The following WDR44 variants were observed in gnomAD, a reference collection of about 807,000 sequenced individuals.
WDR44 encodes the protein WD repeat-containing protein 44.
WDR44 carries 9 observed loss-of-function variants against 65.7 expected under a neutral mutation model. The observed-to-expected ratio is 0.14, with a 90% CI of 0.08 to 0.24. The LOEUF is 0.24. Among genes scored for constraint, WDR44 ranks in the 10% least tolerant of loss-of-function variants. The pLI is 1.00. For synonymous variants in WDR44, 220 were observed against 235.2 expected (o/e 0.94, Z 0.59); for missense variants, 425 against 670.9 (o/e 0.63, Z 4.05).
intron 14 of WDR44, among the ~76,000 whole-genome samples, chrX:118,438,801 T>TTTTGTTTTG (rs1369688941): frequency 2.1e-5 from 2 of 95,915 alleles, no homozygotes; most frequent in African/African-American, 7.7e-5. Context: ...AGCCATGTTT[T>TTTTGTTTTG]TTTTTTTTTT....
rs754681714 is a variant in WDR44, at chrX:118,444,426, T to C, written c.2579T>C (p.Val860Ala). ...CCAAGTTTGATGTTATCTTTGGATG[T>C]GCAATCTGAAAAATCAGAAGGGAAC... ...PNPSLMLSLDVQSEKSEGNEK... is the reference protein window; with the variant it reads ...PNPSLMLSLDAQSEKSEGNEK... Residue 860 changes from valine (V) to alanine (A), a missense_variant, in exon 19 of 20, where the codon GTG becomes GCG. Coordinates refer to ENST00000254029, the MANE Select transcript of WDR44 (RefSeq NM_019045.5). 4 of 1,209,731 alleles carry C rather than the reference T, an allele frequency of 3.3e-6. No individual in the cohort carries two copies. In the East Asian group the frequency reaches 1.2e-4, roughly 36 times the overall value.
At chrX:118,393,450 G>A (rs1347141996) in intron 4 of WDR44, among the ~76,000 whole-genome samples, 179 bp downstream of exon 4, 3 of 111,107 alleles carry the variant, frequency 2.7e-5, no homozygotes, top group African/African-American at 9.8e-5. Context: ...AAGTTAGCTG[G>A]CCATGGTGGC....
rs1388570927 is a variant in WDR44 at position 118,421,011 on chromosome X, T to C, written c.1737+10052T>C. Among the ~76,000 whole-genome samples the C allele has an allele frequency of 9.0e-5, 10 of 111,688 alleles. No individual in the cohort carries two copies. In the East Asian group the frequency reaches 2.8e-3, roughly 31 times the overall value. ...GTAGCAGGCCCATAATCATGTTGAA[T>C]TCCTGCCTGTGGACCTTATTCCTAT... On this transcript the variant is annotated intron_variant, in intron 12 of 19. Transcript: ENST00000254029.
chrX:118,393,906 TG>T, intron 4 of WDR44, 148 bp from the exon 5 acceptor site: 2 of 470,802 alleles, frequency 4.2e-6, no homozygotes, highest in Non-Finnish European at 6.8e-6. Flanking sequence ...TTGTATGAGC[TG>T]TATAGTCTTG....
intron 19 of WDR44, among the ~76,000 whole-genome samples, chrX:118,448,125 C>G (rs916789987): frequency 9.1e-6 from 1 of 109,617 alleles, no homozygotes; most frequent in East Asian, 2.8e-4. Flanking sequence ...AAGGAATGTT[C>G]AAAGGCTTAG....
intron 1 of WDR44, among the ~76,000 whole-genome samples, chrX:118,355,732 G>A (rs983190002): frequency 9.0e-6 from 1 of 111,248 alleles, no homozygotes; most frequent in African/African-American, 3.3e-5. Flanking sequence ...CGGGTGGTGA[G>A]TAAGCATGCT....
At chrX:118,348,358 A>T (rs1315079499) in intron 1 of WDR44, among the ~76,000 whole-genome samples, 1 of 112,410 alleles carries the variant, frequency 8.9e-6, no homozygotes, top group Non-Finnish European at 1.9e-5. Flanking sequence ...TAGAATTGAT[A>T]GAGTCACTTC....
At chrX:118,409,974 G>C (rs1272545901) in intron 11 of WDR44, among the ~76,000 whole-genome samples, 1 of 111,930 alleles carries the variant, frequency 8.9e-6, no homozygotes, top group Non-Finnish European at 1.9e-5. Context: ...TATCCAGTAA[G>C]TAAAAATGAT....
At chrX:118,352,352 A>ATATATATATTTTTTTTTTTT (rs1357425730) in intron 1 of WDR44, among the ~76,000 whole-genome samples, 2 of 14,224 alleles carry the variant, frequency 1.4e-4, no homozygotes, top group Non-Finnish European at 2.1e-4. Flanking sequence ...ATATATATAT[A>ATATATATATTTTTTTTTTTT]TTTTTTTTTT....
Position 118,410,977 on chromosome X carries a change from T to C in WDR44, c.1737+18T>C. 2.6e-6 allele frequency: 3 copies of C among 1,138,981 alleles called. No homozygotes were observed. The highest frequency in any genetic ancestry group is 3.5e-6 in the Non-Finnish European group (3 of 852,344). 93.9% of individuals were successfully genotyped at this position (1,138,981 alleles called of 1,213,427 possible). On this transcript the variant is annotated intron_variant, in intron 12 of 19. Transcript: ENST00000254029. ...ATACAGGGGTATGCTTATTGTTTTA[T>C]GGTTACTCTGTTTTCAGGTATGATT... is the stretch of plus-strand genomic sequence containing the variant.
chrX:118,424,674 C>G (rs1358706461), intron 12 of WDR44, among the ~76,000 whole-genome samples: 19 of 110,015 alleles, frequency 1.7e-4, no homozygotes, highest in African/African-American at 6.0e-4. Flanking sequence ...TTGGTTGTTT[C>G]TTTTGTTGTG....
chrX:118,400,586 T>C (rs1417492654), intron 8 of WDR44, among the ~76,000 whole-genome samples: 14 of 111,717 alleles, frequency 1.3e-4, no homozygotes, highest in Non-Finnish European at 2.3e-4. Flanking sequence ...ATCATCTGTG[T>C]TTTCTGGTTA....
chrX:118,402,443 A>C (rs753900995), intron 8 of WDR44, among the ~76,000 whole-genome samples: 5 of 88,896 alleles, frequency 5.6e-5, no homozygotes, highest in Admixed American at 1.3e-4. Flanking sequence ...CTCAAAAAAA[A>C]AAAAAAAAAA....
At chrX:118,428,902 G>C (rs1015527134) in intron 12 of WDR44, among the ~76,000 whole-genome samples, 42 of 111,934 alleles carry the variant, frequency 3.8e-4, no homozygotes, top group Middle Eastern at 9.2e-3. Context: ...GTCCTTTGCA[G>C]GGACACGGCT....
intron 14 of WDR44, among the ~76,000 whole-genome samples, chrX:118,437,520 A>T (rs995158019): frequency 5.4e-5 from 6 of 111,726 alleles, no homozygotes; most frequent in African/African-American, 1.9e-4. Context: ...ACTCGAGCTG[A>T]CCCTAGCAAC....
At chrX:118,369,959 A>G (rs1260742545) in intron 1 of WDR44, among the ~76,000 whole-genome samples, 2 of 112,240 alleles carry the variant, frequency 1.8e-5, no homozygotes, top group Non-Finnish European at 3.8e-5. Flanking sequence ...TATTTGAATC[A>G]GAATTTATTT....
chrX:118,347,100 G>A (rs1013685230), intron 1 of WDR44, among the ~76,000 whole-genome samples: 2 of 111,853 alleles, frequency 1.8e-5, no homozygotes, highest in Non-Finnish European at 3.8e-5. Context: ...GGAGCGGGGG[G>A]AAGGTTGGGT....
intron 12 of WDR44, among the ~76,000 whole-genome samples, chrX:118,413,152 G>A (rs1271007027): frequency 3.6e-5 from 4 of 112,134 alleles, no homozygotes; most frequent in African/African-American, 1.3e-4. Context: ...TGCTATAAAC[G>A]TGCGTGTGCA....
chrX:118,368,274 T>C (rs1765813224), intron 1 of WDR44, among the ~76,000 whole-genome samples: 1 of 109,658 alleles, frequency 9.1e-6, no homozygotes, highest in Admixed American at 9.9e-5. Flanking sequence ...GCAGTTATTG[T>C]CATCGCATCA....
Sources: gnomAD v4.1 joint callset for allele counts (sites outside exome capture counted in the v4.1 genomes callset) on GRCh38, gnomAD v4.1.1 for gene constraint, MANE v1.5 for transcripts, NCBI Gene and HGNC (gene_info 2026-07-23, HGNC 2026-07-21) for gene names.